FRMD4A: variants seen among roughly 807,000 people sequenced by gnomAD.
The protein encoded by FRMD4A is FERM domain containing 4A.
A neutral mutation model predicts 129.1 loss-of-function variants in FRMD4A; 29 were observed. That is an observed-to-expected ratio of 0.22 (90% confidence interval 0.17 to 0.31). The LOEUF (loss-of-function observed/expected upper bound fraction) is 0.31. Among genes scored for constraint, FRMD4A ranks in the 10% least tolerant of loss-of-function variants. FRMD4A has a pLI of 1.00. For missense variants in FRMD4A, 1,272 were observed against 1,375.8 expected (o/e 0.92, Z 1.19); for synonymous variants, 634 against 571.6 (o/e 1.11, Z -1.56).
At chr10:14,002,725 C>T (rs534466815) in intron 2 of FRMD4A, among the ~76,000 whole-genome samples, 18 of 152,090 alleles carry the variant, frequency 1.2e-4, no homozygotes, top group Admixed American at 2.0e-4. Context: ...TAGAGTACTA[C>T]GGGAGCCAGC....
intron 2 of FRMD4A, among the ~76,000 whole-genome samples, chr10:14,187,355 G>A (rs1248085443): frequency 2.0e-5 from 3 of 152,072 alleles, no homozygotes; most frequent in African/African-American, 7.2e-5. Context: ...CAGAGAGTTC[G>A]GTTACTTTCC....
chr10:13,788,064 T>C (rs1344954354), intron 5 of FRMD4A, among the ~76,000 whole-genome samples: 2 of 152,168 alleles, frequency 1.3e-5, no homozygotes, highest in Non-Finnish European at 2.9e-5. Flanking sequence ...AGGGTCTGCA[T>C]GGACAGTTCC....
intron 2 of FRMD4A, among the ~76,000 whole-genome samples, chr10:14,094,369 C>G (rs908222756): frequency 6.6e-6 from 1 of 152,164 alleles, no homozygotes; most frequent in African/African-American, 2.4e-5. Context: ...CCCTGGGGGA[C>G]GATCACAGAA....
At chr10:14,319,731 C>T (rs963533052) in intron 2 of FRMD4A, among the ~76,000 whole-genome samples, 1 of 152,148 alleles carries the variant, frequency 6.6e-6, no homozygotes, top group African/African-American at 2.4e-5. Flanking sequence ...AGCTTCAGTG[C>T]CACTGCCAGA....
intron 2 of FRMD4A, among the ~76,000 whole-genome samples, chr10:14,076,031 T>A (rs1208588753): frequency 2.0e-5 from 3 of 152,198 alleles, no homozygotes; most frequent in Non-Finnish European, 4.4e-5. Context: ...AACCTGACCT[T>A]AGTTGATGGC....
chr10:13,664,409 T>G (rs1339161939), intron 18 of FRMD4A, among the ~76,000 whole-genome samples: 1 of 152,060 alleles, frequency 6.6e-6, no homozygotes, highest in East Asian at 1.9e-4. Flanking sequence ...AGGGGAAAAG[T>G]TGTGTGGTCT....
chr10:14,073,023 A>AT (rs1835387838), intron 2 of FRMD4A, among the ~76,000 whole-genome samples: 1 of 151,336 alleles, frequency 6.6e-6, no homozygotes, highest in Non-Finnish European at 1.5e-5. Context: ...AAAAGAAGGG[A>AT]TAAAAAAATA....
In FRMD4A at chr10:13,810,810, T is replaced by A; in HGVS notation, c.206+4A>T. The A allele has an allele frequency of 6.7e-7, 1 of 1,488,068 alleles. No individual in the cohort carries two copies. Among genetic ancestry groups the A allele is most frequent in the Non-Finnish European group, 9.4e-7 (1 of 1,066,418 alleles). 92.2% of individuals were successfully genotyped at this position (1,488,068 alleles called of 1,614,324 possible). On this transcript the variant is annotated splice_donor_region_variant and intron_variant, in intron 4 of 24. Coordinates refer to ENST00000357447, the MANE Select transcript of FRMD4A (RefSeq NM_018027.5). ...GGGCTGTGAGGGCTCAAGGCAGTAC[T>A]TACGTTTCATCTGTGAATGCTATTC... is the stretch of plus-strand genomic sequence containing the variant.
At chr10:14,075,559 T>G (rs1358080365) in intron 2 of FRMD4A, among the ~76,000 whole-genome samples, 1 of 152,222 alleles carries the variant, frequency 6.6e-6, no homozygotes, top group Admixed American at 6.5e-5. Context: ...AAAAGTATTC[T>G]TTAGCCTAAC....
At chr10:14,103,919 T>C (rs960686173) in intron 2 of FRMD4A, among the ~76,000 whole-genome samples, 1 of 152,234 alleles carries the variant, frequency 6.6e-6, no homozygotes, top group South Asian at 2.1e-4. Flanking sequence ...GAACCCATCC[T>C]AAGCTAAAAG....
chr10:14,026,295 G>C (rs1408626408), intron 2 of FRMD4A, among the ~76,000 whole-genome samples: 1 of 152,146 alleles, frequency 6.6e-6, no homozygotes, highest in Non-Finnish European at 1.5e-5. Flanking sequence ...GATAGACACA[G>C]ACTTAATTCA....
chr10:13,996,561 CA>C (rs1278703032), intron 2 of FRMD4A, among the ~76,000 whole-genome samples: 3 of 152,172 alleles, frequency 2.0e-5, no homozygotes, highest in Admixed American at 6.5e-5. Flanking sequence ...TTTCATGTGT[CA>C]GGGGTACCAT....
chr10:13,994,153 A>G (rs1294859604), intron 2 of FRMD4A, among the ~76,000 whole-genome samples: 4 of 133,816 alleles, frequency 3.0e-5, no homozygotes, highest in African/African-American at 1.1e-4. Flanking sequence ...GGATGACAGG[A>G]GTGTGCCACC....
intron 2 of FRMD4A, among the ~76,000 whole-genome samples, chr10:14,301,473 A>T (rs1267508693): frequency 6.6e-6 from 1 of 152,202 alleles, no homozygotes; most frequent in Non-Finnish European, 1.5e-5. Flanking sequence ...TGTGAGACAG[A>T]TGCCTCTATT....
At chr10:13,881,080 T>C (rs1407123917) in intron 2 of FRMD4A, among the ~76,000 whole-genome samples, 3 of 152,046 alleles carry the variant, frequency 2.0e-5, no homozygotes, top group Non-Finnish European at 4.4e-5. Context: ...CAAATACTTC[T>C]GCCATTTGCC....
At chr10:13,707,142 T>G (rs1030625819) in intron 12 of FRMD4A, 29 bp from the exon 13 acceptor site, 1 of 1,266,798 alleles carries the variant, frequency 7.9e-7, no homozygotes, top group East Asian at 2.3e-5. Context: ...AGTTTAAAAC[T>G]CAGGAGGGGC....
chr10:13,877,380 G>A (rs928267063), intron 2 of FRMD4A, among the ~76,000 whole-genome samples: 21 of 152,138 alleles, frequency 1.4e-4, no homozygotes, highest in African/African-American at 3.1e-4. Flanking sequence ...ACTCCACACC[G>A]ACAGCTGACT....
rs532236285 is a variant in FRMD4A at position 13,958,578 on chromosome 10, C to T, written c.46-99666G>A. Among the ~76,000 whole-genome samples the T allele has an allele frequency of 1.0e-4, 15 of 149,818 alleles. No homozygotes were observed. The East Asian group carries it at 2.5e-3, about 25-fold the overall frequency. On this transcript the variant is annotated intron_variant, in intron 2 of 24. Transcript: ENST00000357447. ...GATTACAGGCGTGAGCCACCGCACC[C>T]GACCAGTGTCTTTCTTTCTTTCTTT... is the stretch of plus-strand genomic sequence containing the variant.
chr10:13,948,648 A>AT (rs34872688), intron 2 of FRMD4A, among the ~76,000 whole-genome samples: 57 of 91,342 alleles, frequency 6.2e-4, no homozygotes, highest in African/African-American at 1.9e-3. Context: ...GGAAAAGAGG[A>AT]TTTTTTTTTT....
Sources: gnomAD v4.1 joint callset for allele counts (sites outside exome capture counted in the v4.1 genomes callset) on GRCh38, gnomAD v4.1.1 for gene constraint, MANE v1.5 for transcripts, NCBI Gene and HGNC (gene_info 2026-07-23, HGNC 2026-07-21) for gene names.